Variants in ZNF853 observed in about 807,000 individuals in gnomAD.
ZNF853 encodes the protein zinc finger protein 853.
A neutral mutation model predicts 94.7 loss-of-function variants in ZNF853; 57 were observed. That is an observed-to-expected ratio of 0.60 (90% CI 0.49 to 0.75). The LOEUF (loss-of-function observed/expected upper bound fraction) is 0.75, where lower values mean the gene tolerates loss of function less well. ZNF853 is among the 30% of genes least tolerant of loss of function. ZNF853 has a pLI of 0.00. For synonymous variants in ZNF853, 448 were observed against 406.3 expected (o/e 1.10, Z -1.23); for missense variants, 785 against 868.9 (o/e 0.90, Z 1.21).
In ZNF853 at chr7:6,623,226, C is replaced by A; in HGVS notation, c.*255C>A. ...GAAACAGCACACGGGACACGTTTGTCTGCCCTTTGAGGGGTCTGCCAAAGG... is the reference window on the plus strand; with the variant it reads ...GAAACAGCACACGGGACACGTTTGTATGCCCTTTGAGGGGTCTGCCAAAGG... On this transcript the variant is annotated 3_prime_UTR_variant, in exon 3 of 3. Coordinates refer to ENST00000457543, the MANE Select transcript of ZNF853 (RefSeq NM_017560.3). 2.5e-6 allele frequency: 1 copy of A among 406,650 alleles called. No individual in the cohort carries two copies. Among genetic ancestry groups the A allele is most frequent in the Non-Finnish European group, 4.3e-6 (1 of 233,466 alleles). 25.2% of individuals were successfully genotyped at this position (406,650 alleles called of 1,614,324 possible).
rs377160491 is a variant in ZNF853, at chr7:6,621,415, C to A, written c.424C>A (p.His142Asn). 2 of 1,551,644 alleles carry A rather than the reference C, an allele frequency of 1.3e-6. No individual in the cohort carries two copies. The highest frequency in any genetic ancestry group is 2.7e-5 in the African/African-American group (2 of 73,042). The change falls in exon 3 of 3, where the codon CAC becomes AAC. Residue 142 changes from histidine (H) to asparagine (N), a missense_variant. His to Asn is a moderately conservative substitution (Grantham distance 68). Transcript: ENST00000457543. Reference sequence around the variant, plus strand: ...ACAACAGGAAAAACACCAATCCGTGCACCATCAGGAACTGAAACCAGAACT... The same window carrying A: ...ACAACAGGAAAAACACCAATCCGTGAACCATCAGGAACTGAAACCAGAACT... Reference protein sequence around the residue: ...QLQQEKHQSVHHQELKPELQL... With the variant: ...QLQQEKHQSVNHQELKPELQL...
At position 6,616,163 on chromosome 7, in the gene ZNF853, C is replaced by T. The variant is rs766912282; in HGVS notation, c.-12C>T. 3.2e-6 allele frequency: 5 copies of T among 1,547,430 alleles called. No individual in the cohort carries two copies. Among genetic ancestry groups the T allele is most frequent in the African/African-American group, 1.4e-5 (1 of 73,086 alleles). ...ACACCTCCCTAGCGCAGAGGCTGCC[C>T]GGGAGCAGGAAATGCTCCACCAGGT... On this transcript the variant is annotated 5_prime_UTR_variant, in exon 1 of 3. Coordinates refer to ENST00000457543, the MANE Select transcript of ZNF853 (RefSeq NM_017560.3).
In ZNF853 at chr7:6,622,504, G is replaced by A; in HGVS notation, c.1513G>A (p.Ala505Thr). Reference sequence around the variant, plus strand: ...CAGCACGGACCTGGTGCGCCACCAGGCCACGCACACGGGTGAGCGGCCACA... The same window carrying A: ...CAGCACGGACCTGGTGCGCCACCAGACCACGCACACGGGTGAGCGGCCACA... The part of the protein sequence containing the change: ...SRSTDLVRHQ[A>T]THTGERPHRC... The change falls in exon 3 of 3, where the codon GCC becomes ACC. Residue 505 changes from alanine to threonine, a missense_variant. Coordinates refer to ENST00000457543, the MANE Select transcript of ZNF853 (RefSeq NM_017560.3). 6.5e-7 allele frequency: 1 copy of A among 1,544,064 alleles called. No homozygotes were observed. Among genetic ancestry groups the A allele is most frequent in the Non-Finnish European group, 8.7e-7 (1 of 1,144,968 alleles).
chr7:6,621,589 G>GAGCAACAGCTGTTAC lies in ZNF853; in HGVS notation c.608_622dup (p.Leu203_Gln207dup). 1 of 1,551,192 alleles carries GAGCAACAGCTGTTAC rather than the reference G, an allele frequency of 6.4e-7. No individual in the cohort carries two copies. Among genetic ancestry groups the GAGCAACAGCTGTTAC allele is most frequent in the Non-Finnish European group, 8.7e-7 (1 of 1,146,664 alleles). The stretch of plus-strand genomic sequence containing the variant: ...GGAACAGCTACAGCAGCAAGTGCAA[G>GAGCAACAGCTGTTAC]AGCAACAGCTGTTACAGCAACAGCA... On this transcript the variant is annotated inframe_insertion, in exon 3 of 3. Coordinates refer to ENST00000457543, the MANE Select transcript of ZNF853 (RefSeq NM_017560.3).
rs1782672325 is a variant in ZNF853, at chr7:6,623,055, GCTGGAGGCGTCCTGGAATATCC to G, written c.*91_*112del. ...AGCTCCTTGACCCGGGTTCATGGGC[GCTGGAGGCGTCCTGGAATATCC>G]CTGGAGTAAAAGGCTTCCACCATCA... On this transcript the variant is annotated 3_prime_UTR_variant, in exon 3 of 3. Transcript: ENST00000457543. The G allele has an allele frequency of 1.5e-5, 17 of 1,161,924 alleles. No individual in the cohort carries two copies. Among genetic ancestry groups the G allele is most frequent in the Non-Finnish European group, 1.8e-5 (17 of 923,710 alleles). 72.0% of individuals were successfully genotyped at this position (1,161,924 alleles called of 1,614,324 possible). A position where few individuals can be genotyped will look rare whatever the true frequency, so the allele number is the denominator to read the frequency against.
Position 6,615,836 on chromosome 7 carries a change from G to C in ZNF853, c.-339G>C, listed in dbSNP as rs1339988387. The C allele has an allele frequency of 4.4e-5, 8 of 180,584 alleles. No individual in the cohort carries two copies. Among genetic ancestry groups the C allele is most frequent in the African/African-American group, 1.9e-4 (8 of 42,322 alleles). The allele number at this position is 180,584 out of a possible 1,614,324, so 11.2% of individuals were successfully genotyped here. A position where few individuals can be genotyped will look rare whatever the true frequency, so the allele number is the denominator to read the frequency against. Reference sequence around the variant, plus strand: ...CCCCGTGGTGCCGACCCCGGGCGCCGGCCTGGATCCCGCTGCCCGCGATGG... The same window carrying C: ...CCCCGTGGTGCCGACCCCGGGCGCCCGCCTGGATCCCGCTGCCCGCGATGG... On this transcript the variant is annotated 5_prime_UTR_variant, in exon 1 of 3. Transcript: ENST00000457543. This position sits in a 1 kb window ranked among gnomAD's most constrained non-coding sequence, Gnocchi z 8.5.
In ZNF853 at chr7:6,615,926, C is replaced by G. The variant is rs1430892852; in HGVS notation, c.-249C>G. ...GCCCTGCCTCCCGCCCCAGCCCCCG[C>G]CGGAGAGTCTCCACCAACTTCTGCT... is the stretch of plus-strand genomic sequence containing the variant. On this transcript the variant is annotated 5_prime_UTR_variant, in exon 1 of 3. Transcript: ENST00000457543. This position sits in a 1 kb window ranked among gnomAD's most constrained non-coding sequence, Gnocchi z 8.5. The G allele has an allele frequency of 5.0e-6, 2 of 400,122 alleles. No individual in the cohort carries two copies. The highest frequency in any genetic ancestry group is 9.0e-6 in the Non-Finnish European group (2 of 222,692). The allele number at this position is 400,122 out of a possible 1,614,324, so 24.8% of individuals were successfully genotyped here.
In ZNF853 at chr7:6,621,664, C is replaced by T; in HGVS notation, c.673C>T (p.Gln225Ter). The change falls in exon 3 of 3, where the codon CAG becomes TAG. Residue 225 changes from glutamine to a stop codon, truncating the protein, a stop_gained. Transcript: ENST00000457543. LOFTEE classifies it high-confidence loss of function. ...QLLQQQEQLQ[Q>*]QQFQQQQEQL... ...GCTACAACAGCAGGAACAGTTACAG[C>T]AGCAACAGTTTCAACAGCAGCAGGA... 6.4e-7 allele frequency: 1 copy of T among 1,551,576 alleles called. No homozygotes were observed. The highest frequency in any genetic ancestry group is 8.7e-7 in the Non-Finnish European group (1 of 1,146,930).
chr7:6,622,287 G>A lies in ZNF853; in HGVS notation c.1296G>A (p.Ala432=), dbSNP rs1413460597. 1 of 1,503,500 alleles carries A rather than the reference G, an allele frequency of 6.7e-7. No individual in the cohort carries two copies. The highest frequency in any genetic ancestry group is 8.8e-7 in the Non-Finnish European group (1 of 1,132,790). The allele number at this position is 1,503,500 out of a possible 1,614,324, so 93.1% of individuals were successfully genotyped here. Reference sequence around the variant, plus strand: ...CGGCGGTCCCGGGGGCTCCGGCCGCGGTCGTGGTGGCTCCCCCGGGCTACG... The same window carrying A: ...CGGCGGTCCCGGGGGCTCCGGCCGCAGTCGTGGTGGCTCCCCCGGGCTACG... ...GGAAVPGAPA[A]VVVAPPGYVV... is the part of the protein sequence containing the mutation. Residue 432 remains alanine (A), a synonymous_variant, in exon 3 of 3, where the codon GCG becomes GCA. Coordinates refer to ENST00000457543, the MANE Select transcript of ZNF853 (RefSeq NM_017560.3).
chr7:6,617,084 C>A, intron 1 of ZNF853, 106 bp from the exon 2 acceptor site: 1 of 802,312 alleles, frequency 1.2e-6, no homozygotes, highest in Non-Finnish European at 1.9e-6. Flanking sequence ...GCTGACCGCT[C>A]TGGGTGGCCC....
chr7:6,622,932 G>A lies in ZNF853; in HGVS notation c.1941G>A (p.Gln647=), dbSNP rs1216410081. Residue 647 remains glutamine, a synonymous_variant, in exon 3 of 3, where the codon CAG becomes CAA. Transcript: ENST00000457543. ...TCGGTGGCCCAGCCCGCGCGGAGCA[G>A]GCCGCTACAGCCACTGCGCCCGCAG... ...AALGGPARAE[Q]AATATAPADK... 6 of 1,251,532 alleles carry A rather than the reference G, an allele frequency of 4.8e-6. No homozygotes were observed. In the African/African-American group the frequency reaches 9.3e-5, roughly 20 times the overall value. The allele number at this position is 1,251,532 out of a possible 1,614,324, so 77.5% of individuals were successfully genotyped here. A position where few individuals can be genotyped will look rare whatever the true frequency, so the allele number is the denominator to read the frequency against.
In ZNF853 at chr7:6,617,401, C is replaced by A; in HGVS notation, c.130+94C>A. On this transcript the variant is annotated intron_variant, in intron 2 of 2. Coordinates refer to ENST00000457543, the MANE Select transcript of ZNF853 (RefSeq NM_017560.3). ...GTGGCGGGCAGCCTGCACAGACTCA[C>A]ACCAGCCAACCTCAGCTGCATTGAG... is the stretch of plus-strand genomic sequence containing the variant. 1,798 of 1,043,992 alleles carry A rather than the reference C, an allele frequency of 1.7e-3. 12 individuals carry two copies. In the African/African-American group the frequency reaches 0.019, roughly 11 times the overall value. The allele number at this position is 1,043,992 out of a possible 1,614,324, so 64.7% of individuals were successfully genotyped here.
Position 6,623,470 on chromosome 7 carries a change from A to G in ZNF853, c.*499A>G, listed in dbSNP as rs565080099. Reference sequence around the variant, plus strand: ...ATGTAGAAACTGACCAAGGCATCGAATCGTCCTCAGAGGCATTTGCCTTGA... The same window carrying G: ...ATGTAGAAACTGACCAAGGCATCGAGTCGTCCTCAGAGGCATTTGCCTTGA... On this transcript the variant is annotated 3_prime_UTR_variant, in exon 3 of 3. Coordinates refer to ENST00000457543, the MANE Select transcript of ZNF853 (RefSeq NM_017560.3). The G allele has an allele frequency of 2.4e-4, 95 of 397,872 alleles. No individual in the cohort carries two copies. In the South Asian group the frequency reaches 9.2e-3, roughly 39 times the overall value. 24.6% of individuals were successfully genotyped at this position (397,872 alleles called of 1,614,324 possible).
Position 6,623,038 on chromosome 7 carries a change from G to C in ZNF853, c.*67G>C. 1.6e-6 allele frequency: 2 copies of C among 1,229,592 alleles called. No homozygotes were observed. The highest frequency in any genetic ancestry group is 4.0e-5 in the South Asian group (1 of 24,878). The allele number at this position is 1,229,592 out of a possible 1,614,324, so 76.2% of individuals were successfully genotyped here. A position where few individuals can be genotyped will look rare whatever the true frequency, so the allele number is the denominator to read the frequency against. ...CCCGCCTCCACCTGAAAAGCTCCTT[G>C]ACCCGGGTTCATGGGCGCTGGAGGC... On this transcript the variant is annotated 3_prime_UTR_variant, in exon 3 of 3. Coordinates refer to ENST00000457543, the MANE Select transcript of ZNF853 (RefSeq NM_017560.3).
rs1248785322 is a variant in ZNF853, at chr7:6,622,480, A to T, written c.1489A>T (p.Ser497Cys). 1.3e-6 allele frequency: 2 copies of T among 1,534,632 alleles called. No homozygotes were observed. Among genetic ancestry groups the T allele is most frequent in the Non-Finnish European group, 1.8e-6 (2 of 1,141,730 alleles). Residue 497 changes from serine (S) to cysteine (C), a missense_variant, in exon 3 of 3, where the codon AGC (serine) becomes TGC (cysteine). Ser to Cys is a moderately radical substitution (Grantham distance 112, BLOSUM62 -1). Transcript: ENST00000457543. ...GGAGTGCGGCAAGGGCTTCAGCCGC[A>T]GCACGGACCTGGTGCGCCACCAGGC... Reference protein sequence around the residue: ...CGECGKGFSRSTDLVRHQATH... With the variant: ...CGECGKGFSRCTDLVRHQATH...
rs748872045 is a variant in ZNF853, at chr7:6,621,696, A to ACAG, written c.719_721dup (p.Gln240dup). On this transcript the variant is annotated inframe_insertion, in exon 3 of 3. Coordinates refer to ENST00000457543, the MANE Select transcript of ZNF853 (RefSeq NM_017560.3). ...AGTTTCAACAGCAGCAGGAACAGTT[A>ACAG]CAGCAGCAGCAGCAGCTACTATTGC... The ACAG allele has an allele frequency of 1.6e-5, 25 of 1,551,160 alleles. No individual in the cohort carries two copies. Among genetic ancestry groups the ACAG allele is most frequent in the African/African-American group, 2.7e-5 (2 of 72,998 alleles).
In ZNF853 at chr7:6,621,411, C is replaced by G; in HGVS notation, c.420C>G (p.Ser140=). 3 of 1,551,748 alleles carry G rather than the reference C, an allele frequency of 1.9e-6. No individual in the cohort carries two copies. The highest frequency in any genetic ancestry group is 2.6e-6 in the Non-Finnish European group (3 of 1,147,016). ...LSQLQQEKHQ[S]VHHQELKPEL... ...AACTACAACAGGAAAAACACCAATC[C>G]GTGCACCATCAGGAACTGAAACCAG... The change falls in exon 3 of 3, where the codon TCC becomes TCG. Residue 140 remains serine (S), a synonymous_variant. Transcript: ENST00000457543.
rs894423218 is a variant in ZNF853, at chr7:6,622,359, C to A, written c.1368C>A (p.Ala456=). 86 of 1,436,404 alleles carry A rather than the reference C, an allele frequency of 6.0e-5. No homozygotes were observed. The highest frequency in any genetic ancestry group is 1.8e-4 in the East Asian group (6 of 32,840). 89.0% of individuals were successfully genotyped at this position (1,436,404 alleles called of 1,614,324 possible). A position where few individuals can be genotyped will look rare whatever the true frequency, so the allele number is the denominator to read the frequency against. The change falls in exon 3 of 3, where the codon GCC becomes GCA. Residue 456 remains alanine (A), a synonymous_variant. Transcript: ENST00000457543. ...TGCTGCCCGCCGTGGCAGCGCCGGC[C>A]GTGGTGGCCATCCCGGGCCCGGCAG... The part of the protein sequence containing the change: ...LMVLPAVAAP[A]VVAIPGPAGS...
At position 6,615,731 on chromosome 7, in the gene ZNF853, C is replaced by G. The variant is rs1210828707; in HGVS notation, c.-444C>G. 1 of 144,960 alleles carries G rather than the reference C, an allele frequency of 6.9e-6. No individual in the cohort carries two copies. Among genetic ancestry groups the G allele is most frequent in the African/African-American group, 2.5e-5 (1 of 40,310 alleles). The allele number at this position is 144,960 out of a possible 1,614,324, so 9.0% of individuals were successfully genotyped here. A position where few individuals can be genotyped will look rare whatever the true frequency, so the allele number is the denominator to read the frequency against. ...GCCCCGGCCCCCGCGCGGCCCGGCCCAGGCCGCCCGCAGGCTCCGGGCACC... is the reference window on the plus strand; with the variant it reads ...GCCCCGGCCCCCGCGCGGCCCGGCCGAGGCCGCCCGCAGGCTCCGGGCACC... On this transcript the variant is annotated 5_prime_UTR_variant, in exon 1 of 3. Coordinates refer to ENST00000457543, the MANE Select transcript of ZNF853 (RefSeq NM_017560.3). This position sits in a 1 kb window ranked among gnomAD's most constrained non-coding sequence, Gnocchi z 8.5.
Sources: gnomAD v4.1 joint callset for allele counts on GRCh38, gnomAD v4.1.1 for gene constraint, Gnocchi (gnomAD v3.1) non-coding constraint, MANE v1.5 for transcripts, NCBI Gene and HGNC (gene_info 2026-07-23, HGNC 2026-07-21) for gene names.